Variants in GPBP1 observed in about 807,000 individuals in gnomAD.
The protein encoded by GPBP1 is vasculin.
In GPBP1, 13 loss-of-function variants were observed where a neutral mutation model predicts 56.5. The observed-to-expected ratio is 0.23, with a 90% CI of 0.15 to 0.37. The LOEUF (loss-of-function observed/expected upper bound fraction) is 0.37, where lower values mean the gene tolerates loss of function less well. Among genes scored for constraint, GPBP1 ranks in the 10% least tolerant of loss-of-function variants. The pLI, the probability that GPBP1 is intolerant of heterozygous loss-of-function variation, is 1.00. For synonymous variants in GPBP1, 204 were observed against 188.9 expected (o/e 1.08, Z -0.66); for missense variants, 477 against 572.3 (o/e 0.83, Z 1.70).
chr5:57,175,332 C>A (rs1328375614), intron 1 of GPBP1, 116 bp from the exon 2 acceptor site: 1 of 385,268 alleles, frequency 2.6e-6, no homozygotes, highest in Admixed American at 4.5e-5. Flanking sequence ...TTCCAGGCTC[C>A]TGTAGGGTTA....
intron 6 of GPBP1, 105 bp from the exon 7 acceptor site, chr5:57,246,195 G>GT (rs973284345): frequency 1.8e-5 from 13 of 704,138 alleles, no homozygotes; most frequent in South Asian, 2.4e-5. Context: ...GCAGCTGTTA[G>GT]TTAAAAAAAA....
At chr5:57,182,374 G>T (rs1754090248) in intron 2 of GPBP1, among the ~76,000 whole-genome samples, 1 of 150,356 alleles carries the variant, frequency 6.7e-6, no homozygotes. Context: ...ATGAGCTTCT[G>T]TGCCTGGCCT....
At chr5:57,201,462 T>C (rs902162219) in intron 2 of GPBP1, among the ~76,000 whole-genome samples, 5 of 152,042 alleles carry the variant, frequency 3.3e-5, no homozygotes, top group African/African-American at 1.2e-4. Flanking sequence ...GCTGGAATTA[T>C]AGGCGTGAGC....
chr5:57,217,559 G>A (rs1018998365), intron 3 of GPBP1, among the ~76,000 whole-genome samples: 14 of 151,730 alleles, frequency 9.2e-5, no homozygotes, highest in African/African-American at 3.1e-4. Flanking sequence ...CAAGAAGAGT[G>A]AAATACTGTC....
chr5:57,245,073 GT>G (rs1488016971), intron 6 of GPBP1, among the ~76,000 whole-genome samples: 1 of 152,084 alleles, frequency 6.6e-6, no homozygotes, highest in Non-Finnish European at 1.5e-5. Flanking sequence ...TGTTAACTTT[GT>G]TGTGTAATAT....
At chr5:57,214,281 T>C (rs1380494051) in intron 3 of GPBP1, 88 bp downstream of exon 3, 20 of 1,159,716 alleles carry the variant, frequency 1.7e-5, no homozygotes, top group South Asian at 3.7e-5. Flanking sequence ...AGTAATAATA[T>C]CTTTGCAGAG....
chr5:57,239,144 T>C (rs753562627), intron 6 of GPBP1, among the ~76,000 whole-genome samples: 5 of 152,238 alleles, frequency 3.3e-5, no homozygotes, highest in East Asian at 1.9e-4. Flanking sequence ...ATCTGTCTTA[T>C]ATGAAAACAG....
chr5:57,218,861 G>A (rs1755809505), intron 3 of GPBP1, among the ~76,000 whole-genome samples: 1 of 152,168 alleles, frequency 6.6e-6, no homozygotes, highest in Non-Finnish European at 1.5e-5. Context: ...ATACACTTAA[G>A]TTATAAAATT....
chr5:57,249,751 C>T (rs970291861), intron 9 of GPBP1, among the ~76,000 whole-genome samples, 175 bp downstream of exon 9: 1 of 125,390 alleles, frequency 8.0e-6, no homozygotes, highest in African/African-American at 3.1e-5. Flanking sequence ...TCGCCTCCCC[C>T]CTTCCCCCTC....
At position 57,176,276 on chromosome 5, in the gene GPBP1, C is replaced by G. The variant is rs774452991; in HGVS notation, c.-182C>G. ...TTGAAGTAACTCTATGTCAAATAGT[C>G]GTAGGTTAAGTATCTTCAAAGAACT... is the stretch of plus-strand genomic sequence containing the variant. On this transcript the variant is annotated 5_prime_UTR_variant, in exon 2 of 12. Transcript: ENST00000506184. The G allele has an allele frequency of 8.3e-5, 29 of 350,126 alleles. No individual in the cohort carries two copies. The highest frequency in any genetic ancestry group is 1.4e-4 in the Non-Finnish European group (28 of 197,060). The allele number at this position is 350,126 out of a possible 1,614,324, so 21.7% of individuals were successfully genotyped here.
At chr5:57,219,405 C>A (rs10066208) in intron 3 of GPBP1, among the ~76,000 whole-genome samples, 1,808 of 33,638 alleles carry the variant, frequency 0.054, 108 homozygotes, top group African/African-American at 0.09. Flanking sequence ...AAAAAAAAAC[C>A]AAAAACAAAC....
At chr5:57,196,981 C>T (rs1754792712) in intron 2 of GPBP1, among the ~76,000 whole-genome samples, 3 of 152,028 alleles carry the variant, frequency 2.0e-5, no homozygotes, top group South Asian at 4.2e-4. Flanking sequence ...GGGATTTCAC[C>T]ATGTTGGCCA....
intron 3 of GPBP1, among the ~76,000 whole-genome samples, chr5:57,215,003 C>G (rs72644093): frequency 6.6e-6 from 1 of 152,160 alleles, no homozygotes; most frequent in Admixed American, 6.5e-5. Context: ...ACACCATCAG[C>G]GTACACTAAG....
intron 2 of GPBP1, among the ~76,000 whole-genome samples, chr5:57,180,845 G>A (rs1014196551): frequency 1.4e-4 from 22 of 152,092 alleles, no homozygotes; most frequent in African/African-American, 3.9e-4. Context: ...AGGTCCAAGC[G>A]ATTTTCCTGC....
chr5:57,199,489 A>AG, intron 2 of GPBP1, among the ~76,000 whole-genome samples: 1 of 151,804 alleles, frequency 6.6e-6, no homozygotes, highest in Non-Finnish European at 1.5e-5. Context: ...GAAAGGTGAC[A>AG]CTTCTCCTTC....
At chr5:57,228,330 CTG>C (rs1316581146) in intron 3 of GPBP1, among the ~76,000 whole-genome samples, 3 of 152,104 alleles carry the variant, frequency 2.0e-5, no homozygotes, top group African/African-American at 2.4e-5. Context: ...TGGTGGCCAC[CTG>C]TAGTCCCAGC....
At chr5:57,205,750 A>T (rs1021733783) in intron 2 of GPBP1, among the ~76,000 whole-genome samples, 21 of 151,424 alleles carry the variant, frequency 1.4e-4, no homozygotes, top group African/African-American at 3.9e-4. Flanking sequence ...GCCCATTTTT[A>T]TTTTATTATT....
chr5:57,213,735 T>C (rs1317344699), intron 2 of GPBP1, among the ~76,000 whole-genome samples: 5 of 152,222 alleles, frequency 3.3e-5, no homozygotes, highest in Non-Finnish European at 5.9e-5. Flanking sequence ...AAACATTTGA[T>C]GTCTAGTTGT....
intron 3 of GPBP1, among the ~76,000 whole-genome samples, chr5:57,216,913 A>G (rs1755721730): frequency 6.6e-6 from 1 of 151,834 alleles, no homozygotes; most frequent in Admixed American, 6.6e-5. Context: ...TCATGACTAC[A>G]ATTTCAGGAA....
Sources: allele counts gnomAD v4.1 joint callset (sites outside exome capture counted in the v4.1 genomes callset), GRCh38; gene constraint gnomAD v4.1.1; transcripts MANE v1.5; gene names NCBI Gene and HGNC (gene_info 2026-07-23, HGNC 2026-07-21).